PTPN9: variants seen among roughly 807,000 people sequenced by gnomAD.
The protein encoded by PTPN9 is protein tyrosine phosphatase non-receptor type 9, also known as tyrosine-protein phosphatase non-receptor type 9.
PTPN9 carries 26 observed loss-of-function variants against 69.8 expected under a neutral mutation model. The observed-to-expected ratio is 0.37, with a 90% CI of 0.27 to 0.52. The LOEUF is 0.52. Ranked by LOEUF, PTPN9 falls within the 20% of genes least tolerant of loss-of-function variation. The pLI, the probability that PTPN9 is intolerant of heterozygous loss-of-function variation, is 0.91. For missense variants in PTPN9, 549 were observed against 740.3 expected, an observed-to-expected ratio of 0.74 and a Z score of 3.00; for synonymous variants, 274 against 272.5, an observed-to-expected ratio of 1.01 and a Z score of -0.05.
intron 5 of PTPN9, chr15:75,512,820 G>A (rs1360210096): frequency 1.1e-5 from 3 of 280,242 alleles, no homozygotes; most frequent in Non-Finnish European, 2.1e-5. Context: ...TGAGACAAAG[G>A]ACATTATTAT....
intron 1 of PTPN9, among the ~76,000 whole-genome samples, chr15:75,530,558 T>C (rs868239909): frequency 1.8e-5 from 1 of 55,908 alleles, no homozygotes; most frequent in Non-Finnish European, 2.9e-5. Context: ...TAATATATTA[T>C]ATATTATTAT....
rs1415391897 is a variant in PTPN9 at position 75,479,831 on chromosome 15, G to A, written c.1129+17C>T. The A allele has an allele frequency of 6.3e-7, 1 of 1,581,830 alleles. No homozygotes were observed. Among genetic ancestry groups the A allele is most frequent in the Non-Finnish European group, 8.6e-7 (1 of 1,162,188 alleles). On this transcript the variant is annotated intron_variant, in intron 9 of 12. Coordinates refer to ENST00000618819, the MANE Select transcript of PTPN9 (RefSeq NM_002833.4). The stretch of plus-strand genomic sequence containing the variant: ...TAGATGGCACAAAATCAACATGGGA[G>A]GGACGGACCAGCTTACCTTGTGTGC...
At chr15:75,477,833 CTTTTTTTTT>C (rs1196645006) in intron 9 of PTPN9, among the ~76,000 whole-genome samples, 1 of 91,798 alleles carries the variant, frequency 1.1e-5, no homozygotes, top group Non-Finnish European at 2.1e-5. Context: ...ATCAGATACT[CTTTTTTTTT>C]TTTTTTTTTT....
intron 1 of PTPN9, among the ~76,000 whole-genome samples, chr15:75,530,760 A>G (rs1434774147): frequency 1.2e-5 from 1 of 83,874 alleles, no homozygotes; most frequent in Middle Eastern, 6.8e-3. Context: ...ATAATATAAT[A>G]TATTATTATA....
intron 1 of PTPN9, among the ~76,000 whole-genome samples, chr15:75,572,108 G>T (rs1290319211): frequency 6.6e-6 from 1 of 151,928 alleles, no homozygotes; most frequent in Non-Finnish European, 1.5e-5. Flanking sequence ...GAGGCACGTG[G>T]ATTACCTAAG....
intron 1 of PTPN9, among the ~76,000 whole-genome samples, chr15:75,572,071 C>A (rs948912688): frequency 1.3e-5 from 2 of 152,042 alleles, no homozygotes; most frequent in African/African-American, 4.8e-5. Flanking sequence ...ATGGCTCACA[C>A]CTGTAATCCC....
At chr15:75,526,958 G>T (rs2074930788) in intron 2 of PTPN9, among the ~76,000 whole-genome samples, 160 bp downstream of exon 2, 1 of 152,178 alleles carries the variant, frequency 6.6e-6, no homozygotes, top group South Asian at 2.1e-4. Context: ...TAGCTGCCTT[G>T]CCCAGCTTCA....
intron 5 of PTPN9, chr15:75,512,677 T>G (rs2074850376): frequency 5.9e-6 from 1 of 169,198 alleles, no homozygotes. Flanking sequence ...TGACAGTATA[T>G]GAGGGTGCTA....
chr15:75,558,410 G>A (rs1217391560), intron 1 of PTPN9, among the ~76,000 whole-genome samples: 1 of 152,176 alleles, frequency 6.6e-6, no homozygotes, highest in Non-Finnish European at 1.5e-5. Flanking sequence ...GGAAGGCTGA[G>A]GCACGAGAAC....
chr15:75,558,878 A>C (rs889015952), intron 1 of PTPN9, among the ~76,000 whole-genome samples: 1 of 152,062 alleles, frequency 6.6e-6, no homozygotes, highest in African/African-American at 2.4e-5. Flanking sequence ...TCGGCTCGCT[A>C]CAACCTCCAC....
intron 1 of PTPN9, among the ~76,000 whole-genome samples, chr15:75,537,902 T>A (rs1363628391): frequency 6.8e-6 from 1 of 147,464 alleles, no homozygotes; most frequent in Admixed American, 6.9e-5. Context: ...CTTCTAAAAA[T>A]ACAAAAATTA....
chr15:75,573,140 T>C (rs544476523), intron 1 of PTPN9, among the ~76,000 whole-genome samples: 37 of 152,312 alleles, frequency 2.4e-4, no homozygotes, highest in Non-Finnish European at 4.7e-4. Flanking sequence ...GCAGAAAACC[T>C]AGACCTGGGT....
intron 8 of PTPN9, among the ~76,000 whole-genome samples, chr15:75,484,290 G>T (rs759117269): frequency 5.3e-5 from 8 of 152,128 alleles, no homozygotes; most frequent in Non-Finnish European, 1.2e-4. Flanking sequence ...CAAATGAGAG[G>T]CAAGGCAAGC....
At chr15:75,499,459 GC>G (rs1297815321) in intron 7 of PTPN9, among the ~76,000 whole-genome samples, 1 of 141,814 alleles carries the variant, frequency 7.1e-6, no homozygotes, top group Admixed American at 7.3e-5. Flanking sequence ...AGGCTGGAGT[GC>G]GGTGGCATGA....
intron 8 of PTPN9, among the ~76,000 whole-genome samples, chr15:75,482,471 A>G (rs1219560632): frequency 2.0e-5 from 3 of 148,620 alleles, no homozygotes; most frequent in Non-Finnish European, 4.5e-5. Flanking sequence ...AGGCTGAGGC[A>G]GGAGAATGGC....
intron 9 of PTPN9, among the ~76,000 whole-genome samples, chr15:75,477,902 G>C (rs1344433108): frequency 7.0e-6 from 1 of 142,534 alleles, no homozygotes; most frequent in African/African-American, 2.6e-5. Context: ...GTGCAATGGC[G>C]CAGTCGCAGT....
chr15:75,537,626 G>A (rs1053572442), intron 1 of PTPN9, among the ~76,000 whole-genome samples: 7 of 147,976 alleles, frequency 4.7e-5, no homozygotes, highest in South Asian at 2.2e-4. Flanking sequence ...GTGGTGGTGC[G>A]CACCTGTAGT....
intron 8 of PTPN9, among the ~76,000 whole-genome samples, chr15:75,482,362 G>A (rs1230506812): frequency 4.6e-5 from 7 of 152,096 alleles, no homozygotes; most frequent in Non-Finnish European, 1.0e-4. Context: ...TCAGGAGATC[G>A]AGACCATCCT....
chr15:75,539,908 TAATCCGCCTCAAGC>T (rs1404156896), intron 1 of PTPN9, among the ~76,000 whole-genome samples: 1 of 152,078 alleles, frequency 6.6e-6, no homozygotes, highest in Non-Finnish European at 1.5e-5. Context: ...TGGCCTCAAG[TAATCCGCCTCAAGC>T]AACTCCCCTG....
Sources: allele counts gnomAD v4.1 joint callset (sites outside exome capture counted in the v4.1 genomes callset), GRCh38; gene constraint gnomAD v4.1.1; transcripts MANE v1.5; gene names NCBI Gene and HGNC (gene_info 2026-07-23, HGNC 2026-07-21).